ASH1L: variants seen among roughly 807,000 people sequenced by gnomAD.
The protein encoded by ASH1L is histone-lysine N-methyltransferase ASH1L.
A neutral mutation model predicts 269.0 loss-of-function variants in ASH1L; 23 were observed. The ratio of observed to expected loss-of-function variants is 0.09; its 90% CI spans 0.06 to 0.12. ASH1L has a LOEUF of 0.12. Among genes scored for constraint, ASH1L ranks in the 10% least tolerant of loss-of-function variants. ASH1L has a pLI of 1.00. For synonymous variants in ASH1L, 1,187 were observed against 1,253.5 expected, an observed-to-expected ratio of 0.95 and a Z score of 1.12; for missense variants, 2,912 against 3,567.8, an observed-to-expected ratio of 0.82 and a Z score of 4.68.
intron 2 of ASH1L, among the ~76,000 whole-genome samples, chr1:155,517,793 CTTTTTTTTTTTTT>C (rs780065449): frequency 8.5e-5 from 6 of 70,918 alleles, no homozygotes; most frequent in African/African-American, 2.9e-4. Context: ...CCAATAATTT[CTTTTTTTTTTTTT>C]TTTTTTTTTT....
At chr1:155,392,405 C>T (rs1658004949) in intron 7 of ASH1L, among the ~76,000 whole-genome samples, 1 of 152,130 alleles carries the variant, frequency 6.6e-6, no homozygotes, top group Non-Finnish European at 1.5e-5. Flanking sequence ...ATTGATTTTT[C>T]TTCAGTTTGT....
At chr1:155,557,019 T>C (rs1159767957) in intron 1 of ASH1L, among the ~76,000 whole-genome samples, 1 of 152,036 alleles carries the variant, frequency 6.6e-6, no homozygotes, top group Non-Finnish European at 1.5e-5. Context: ...CTGGGTGACA[T>C]AGTAAGACCC....
chr1:155,350,651 G>A (rs946011613), intron 17 of ASH1L, among the ~76,000 whole-genome samples: 3 of 152,098 alleles, frequency 2.0e-5, no homozygotes, highest in Non-Finnish European at 2.9e-5. Context: ...GAATGGGTGC[G>A]GTGGCTCACA....
chr1:155,550,803 G>A (rs1671140858), intron 1 of ASH1L, among the ~76,000 whole-genome samples: 1 of 152,096 alleles, frequency 6.6e-6, no homozygotes, highest in Non-Finnish European at 1.5e-5. Context: ...ATTCACTGTT[G>A]TATACTCTGG....
intron 5 of ASH1L, chr1:155,433,864 G>A (rs758673048): frequency 1.2e-6 from 2 of 1,605,322 alleles, no homozygotes; most frequent in Non-Finnish European, 1.7e-6. Flanking sequence ...CCCTCTTGCA[G>A]GCTCGAAAGA....
At chr1:155,420,099 C>A (rs1378330892) in intron 5 of ASH1L, among the ~76,000 whole-genome samples, 1 of 152,000 alleles carries the variant, frequency 6.6e-6, no homozygotes, top group Non-Finnish European at 1.5e-5. Flanking sequence ...GGGCGGACCA[C>A]CTAAGGTCAG....
chr1:155,513,202 G>A (rs1330964570), intron 2 of ASH1L, among the ~76,000 whole-genome samples: 4 of 152,072 alleles, frequency 2.6e-5, no homozygotes, highest in African/African-American at 9.7e-5. Context: ...GTGAGTTCCT[G>A]GTGGGAATGT....
In ASH1L at chr1:155,562,403, G is replaced by A. The variant is rs761592936; in HGVS notation, c.-350C>T. 10 of 1,497,242 alleles carry A rather than the reference G, an allele frequency of 6.7e-6. No individual in the cohort carries two copies. In the South Asian group the frequency reaches 7.2e-5, roughly 11 times the overall value. 92.7% of individuals were successfully genotyped at this position (1,497,242 alleles called of 1,614,324 possible). A position where few individuals can be genotyped will look rare whatever the true frequency, so the allele number is the denominator to read the frequency against. On this transcript the variant is annotated 5_prime_UTR_variant, in exon 1 of 28. Coordinates refer to ENST00000392403, the MANE Select transcript of ASH1L (RefSeq NM_018489.3). ...ACTGGGATCGTCTCCCCTCCGCAAA[G>A]CGAACCCAAAATGGCGGCGGGAGCG...
At chr1:155,425,390 G>A (rs2148576849) in intron 5 of ASH1L, among the ~76,000 whole-genome samples, 1 of 149,912 alleles carries the variant, frequency 6.7e-6, no homozygotes, top group Non-Finnish European at 1.5e-5. Context: ...TGATTTTCCT[G>A]CCTCAGCCTC....
At chr1:155,491,073 A>T (rs1666748903) in intron 2 of ASH1L, among the ~76,000 whole-genome samples, 2 of 147,996 alleles carry the variant, frequency 1.4e-5, no homozygotes, top group African/African-American at 5.1e-5. Context: ...GTCTTTTCAC[A>T]TGATTTTGCT....
intron 6 of ASH1L, among the ~76,000 whole-genome samples, chr1:155,399,010 G>T (rs114293386): frequency 6.6e-6 from 1 of 152,098 alleles, no homozygotes; most frequent in African/African-American, 2.4e-5. Context: ...TAGGATTACC[G>T]GTGTGAGCCA....
At chr1:155,339,426 T>C (rs1652583978) in intron 25 of ASH1L, 58 bp from the exon 26 acceptor site, 3 of 1,528,106 alleles carry the variant, frequency 2.0e-6, no homozygotes, top group Non-Finnish European at 2.7e-6. Context: ...AGCTAGCTCT[T>C]CTCTGGGGCC....
At chr1:155,387,914 A>G (rs1413079354) in intron 7 of ASH1L, among the ~76,000 whole-genome samples, 2 of 152,148 alleles carry the variant, frequency 1.3e-5, no homozygotes, top group African/African-American at 2.4e-5. Flanking sequence ...TGAGAGTTCA[A>G]TCATGATTTG....
chr1:155,429,032 A>C (rs1661402999), intron 5 of ASH1L, among the ~76,000 whole-genome samples: 1 of 152,164 alleles, frequency 6.6e-6, no homozygotes, highest in African/African-American at 2.4e-5. Context: ...AATGCTTTAG[A>C]GAAATTAGTG....
chr1:155,381,170 C>T (rs1421767178), intron 7 of ASH1L, among the ~76,000 whole-genome samples: 2 of 152,118 alleles, frequency 1.3e-5, no homozygotes, highest in Admixed American at 1.3e-4. Flanking sequence ...AGGTATAATA[C>T]ATAATACTTG....
intron 5 of ASH1L, among the ~76,000 whole-genome samples, chr1:155,431,241 ATATAATATACAT>A (rs1661574723): frequency 6.6e-6 from 1 of 150,774 alleles, no homozygotes; most frequent in African/African-American, 2.4e-5. Context: ...TAATATTTAC[ATATAATATACAT>A]TATAAGATAC....
intron 5 of ASH1L, among the ~76,000 whole-genome samples, chr1:155,426,416 T>A (rs937148118): frequency 2.0e-5 from 3 of 152,010 alleles, no homozygotes; most frequent in Admixed American, 2.0e-4. Context: ...TTAGCCAGGA[T>A]GGTCTCGATC....
Position 155,562,268 on chromosome 1 carries a change from G to A in ASH1L, c.-215C>T, listed in dbSNP as rs1179238747. 4 of 1,609,710 alleles carry A rather than the reference G, an allele frequency of 2.5e-6. No homozygotes were observed. The highest frequency in any genetic ancestry group is 2.2e-5 in the East Asian group (1 of 44,826). ...GGTCCACGGCGGATCCCTCCCGCTTGTCAGGAGGCGGCCAGCGGGTAAGCT... is the reference window on the plus strand; with the variant it reads ...GGTCCACGGCGGATCCCTCCCGCTTATCAGGAGGCGGCCAGCGGGTAAGCT... On this transcript the variant is annotated 5_prime_UTR_variant, in exon 1 of 28. Coordinates refer to ENST00000392403, the MANE Select transcript of ASH1L (RefSeq NM_018489.3).
At chr1:155,541,045 C>G (rs1207845894) in intron 1 of ASH1L, among the ~76,000 whole-genome samples, 1 of 152,054 alleles carries the variant, frequency 6.6e-6, no homozygotes, top group Non-Finnish European at 1.5e-5. Context: ...GGCAGATCAC[C>G]CTGCTAAGTG....
Sources: gnomAD v4.1 joint callset for allele counts (sites outside exome capture counted in the v4.1 genomes callset) on GRCh38, gnomAD v4.1.1 for gene constraint, MANE v1.5 for transcripts, NCBI Gene and HGNC (gene_info 2026-07-23, HGNC 2026-07-21) for gene names.